SNTG1: variants seen among roughly 807,000 people sequenced by gnomAD.
The protein encoded by SNTG1 is syntrophin gamma 1, also known as gamma-1-syntrophin.
Under a neutral mutation model 74.7 loss-of-function variants are expected in SNTG1, and 39 were observed. The ratio of observed to expected loss-of-function variants is 0.52; its 90% confidence interval spans 0.40 to 0.68. The LOEUF (loss-of-function observed/expected upper bound fraction) is 0.68. Among genes scored for constraint, SNTG1 ranks in the 30% least tolerant of loss-of-function variants. The probability of loss-of-function intolerance (pLI) is 0.00; values close to 1 mark genes in which losing one functional copy is unlikely to be tolerated. For synonymous variants in SNTG1, 254 were observed against 217.1 expected, an observed-to-expected ratio of 1.17 and a Z score of -1.49; for missense variants, 685 against 609.5, an observed-to-expected ratio of 1.12 and a Z score of -1.30.
At chr8:50,775,828 T>C (rs1436783670) in intron 18 of SNTG1, among the ~76,000 whole-genome samples, 1 of 151,480 alleles carries the variant, frequency 6.6e-6, no homozygotes, top group Non-Finnish European at 1.5e-5. Context: ...GTTGATATGT[T>C]TTTCTTGTAG....
At chr8:50,500,850 G>C (rs554335821) in intron 8 of SNTG1, among the ~76,000 whole-genome samples, 1 of 152,240 alleles carries the variant, frequency 6.6e-6, no homozygotes, top group African/African-American at 2.4e-5. Flanking sequence ...GTCAGTGCTG[G>C]TTATGGAGGG....
At chr8:50,469,500 C>A (rs1183344513) in intron 8 of SNTG1, among the ~76,000 whole-genome samples, 2 of 152,126 alleles carry the variant, frequency 1.3e-5, no homozygotes, top group African/African-American at 4.8e-5. Context: ...TGGGCTTCAG[C>A]AACTCCAGTA....
intron 1 of SNTG1, among the ~76,000 whole-genome samples, chr8:50,165,331 A>T (rs2082574740): frequency 6.6e-6 from 1 of 152,210 alleles, no homozygotes; most frequent in Admixed American, 6.5e-5. Flanking sequence ...AGTGACAGAG[A>T]TGAGGCTTTA....
At chr8:50,083,589 A>AT (rs1022838651) in intron 1 of SNTG1, among the ~76,000 whole-genome samples, 3 of 152,284 alleles carry the variant, frequency 2.0e-5, no homozygotes, top group Admixed American at 1.3e-4. Context: ...AAAGCAAAAT[A>AT]TTTTTTCACT....
At chr8:50,651,597 A>G (rs533876952) in intron 13 of SNTG1, among the ~76,000 whole-genome samples, 23 of 150,416 alleles carry the variant, frequency 1.5e-4, no homozygotes, top group Admixed American at 1.5e-3. Context: ...AGCTGGGATT[A>G]CAGGCATGTA....
chr8:50,530,112 A>T, intron 9 of SNTG1, 65 bp from the exon 10 acceptor site: 2 of 1,238,622 alleles, frequency 1.6e-6, no homozygotes, highest in South Asian at 2.4e-5. Context: ...AGTGTAATGG[A>T]ATGCATCAGT....
intron 1 of SNTG1, among the ~76,000 whole-genome samples, chr8:50,105,977 C>T (rs1397807920): frequency 1.3e-5 from 2 of 152,034 alleles, no homozygotes; most frequent in Non-Finnish European, 2.9e-5. Context: ...CATCTGCAAA[C>T]AAAAATAGTT....
chr8:50,477,910 G>A (rs1365310733), intron 8 of SNTG1, among the ~76,000 whole-genome samples: 4 of 151,652 alleles, frequency 2.6e-5, no homozygotes, highest in African/African-American at 4.9e-5. Context: ...TCAGCTCTTC[G>A]AGAGTGAAAG....
intron 18 of SNTG1, among the ~76,000 whole-genome samples, chr8:50,766,502 G>A (rs2095614326): frequency 6.6e-6 from 1 of 151,924 alleles, no homozygotes. Context: ...TAAATGAAAT[G>A]TTTGAGTATT....
intron 12 of SNTG1, among the ~76,000 whole-genome samples, chr8:50,575,913 T>C (rs2094574220): frequency 6.6e-6 from 1 of 152,206 alleles, no homozygotes; most frequent in Non-Finnish European, 1.5e-5. Context: ...AGTTCCTCTT[T>C]CCCTCTGTCT....
At chr8:50,781,180 G>A (rs12677196) in intron 18 of SNTG1, among the ~76,000 whole-genome samples, 5,530 of 151,588 alleles carry the variant, frequency 0.036, 271 homozygotes, top group African/African-American at 0.11. Context: ...TGTATATTCT[G>A]TTGATTTGGG....
chr8:50,684,898 C>T (rs1228854550), intron 15 of SNTG1, among the ~76,000 whole-genome samples: 1 of 114,734 alleles, frequency 8.7e-6, no homozygotes, highest in Non-Finnish European at 1.7e-5. Flanking sequence ...TCCCCCCACC[C>T]CACCACAGTC....
chr8:50,671,729 A>G (rs1233604734), intron 15 of SNTG1, among the ~76,000 whole-genome samples: 1 of 152,000 alleles, frequency 6.6e-6, no homozygotes, highest in Admixed American at 6.6e-5. Flanking sequence ...ATGCTGCTAT[A>G]AAGACACATG....
At chr8:50,686,591 A>C (rs1453040980) in intron 15 of SNTG1, among the ~76,000 whole-genome samples, 1 of 152,138 alleles carries the variant, frequency 6.6e-6, no homozygotes, top group Non-Finnish European at 1.5e-5. Context: ...TTGGTTTTAA[A>C]AATAATTTTT....
intron 2 of SNTG1, among the ~76,000 whole-genome samples, chr8:50,342,284 G>C (rs1390785587): frequency 6.6e-6 from 1 of 151,700 alleles, no homozygotes; most frequent in Non-Finnish European, 1.5e-5. Context: ...CTTAAGCACA[G>C]TTGTGAAAAC....
At chr8:50,244,457 G>A (rs190753121) in intron 2 of SNTG1, among the ~76,000 whole-genome samples, 1 of 152,174 alleles carries the variant, frequency 6.6e-6, no homozygotes, top group African/African-American at 2.4e-5. Context: ...TCATATTTGT[G>A]TTTCATGACA....
At chr8:50,154,393 C>T (rs2131558825) in intron 1 of SNTG1, among the ~76,000 whole-genome samples, 1 of 152,210 alleles carries the variant, frequency 6.6e-6, no homozygotes, top group Middle Eastern at 3.4e-3. Flanking sequence ...AAGGCGATGC[C>T]TCACCCTGCT....
intron 15 of SNTG1, among the ~76,000 whole-genome samples, chr8:50,682,694 G>C (rs894551169): frequency 9.2e-5 from 14 of 152,018 alleles, no homozygotes; most frequent in Non-Finnish European, 1.5e-4. Context: ...TTTCCAGTTT[G>C]ACTCCAAGTA....
chr8:50,747,559 T>C (rs976171839), intron 17 of SNTG1, among the ~76,000 whole-genome samples: 4 of 152,074 alleles, frequency 2.6e-5, no homozygotes, highest in African/African-American at 9.6e-5. Flanking sequence ...GTATTAGTTA[T>C]ACAATTAAGG....
Sources: allele counts gnomAD v4.1 joint callset (sites outside exome capture counted in the v4.1 genomes callset), GRCh38; gene constraint gnomAD v4.1.1; transcripts MANE v1.5; gene names NCBI Gene and HGNC (gene_info 2026-07-23, HGNC 2026-07-21).